The following GYS1 variants were observed in gnomAD, a reference collection of about 807,000 sequenced individuals.
GYS1 encodes the protein glycogen synthase 1.
In GYS1, 60 loss-of-function variants were observed where a neutral mutation model predicts 89.1. That is an observed-to-expected ratio of 0.67 (90% confidence interval 0.55 to 0.84). The LOEUF is 0.84. Ranked by LOEUF, GYS1 falls within the 40% of genes least tolerant of loss-of-function variation. GYS1 has a pLI of 0.00. For synonymous variants in GYS1, 366 were observed against 401.7 expected (o/e 0.91, Z 1.06); for missense variants, 888 against 1,003.1 (o/e 0.89, Z 1.55).
At position 48,969,275 on chromosome 19, in the gene GYS1, T is replaced by C. The variant is rs2038512363; in HGVS notation, c.*13A>G. The C allele has an allele frequency of 2.6e-6, 4 of 1,530,954 alleles. No individual in the cohort carries two copies. The highest frequency in any genetic ancestry group is 2.4e-5 in the South Asian group (2 of 83,544). The allele number at this position is 1,530,954 out of a possible 1,614,324, so 94.8% of individuals were successfully genotyped here. ...AGAGAGGCAGGACAGGCGGGGAGTG[T>C]GGTGGGGCGGACTTAGTTACGCTCC... On this transcript the variant is annotated 3_prime_UTR_variant, in exon 16 of 16. Transcript: ENST00000323798.
chr19:48,983,499 G>T (rs182546294), intron 5 of GYS1, among the ~76,000 whole-genome samples: 9 of 152,100 alleles, frequency 5.9e-5, no homozygotes, highest in Admixed American at 1.3e-4. Context: ...CATCCCCAAA[G>T]TCCTGCTTCT....
rs1386131852 is a variant in GYS1 at position 48,969,188 on chromosome 19, C to T, written c.*100G>A. 2.7e-6 allele frequency: 3 copies of T among 1,122,244 alleles called. No homozygotes were observed. Among genetic ancestry groups the T allele is most frequent in the Non-Finnish European group, 3.8e-6 (3 of 792,808 alleles). 69.5% of individuals were successfully genotyped at this position (1,122,244 alleles called of 1,614,324 possible). A position where few individuals can be genotyped will look rare whatever the true frequency, so the allele number is the denominator to read the frequency against. On this transcript the variant is annotated 3_prime_UTR_variant, in exon 16 of 16. Coordinates refer to ENST00000323798, the MANE Select transcript of GYS1 (RefSeq NM_002103.5). ...TGGGTGGGGGCACTGCGGGGCCACA[C>T]CCAGTGCAGATCTGGAGCGGGGGTT...
rs1366395973 is a variant in GYS1, at chr19:48,982,846, G to A, written c.824-9C>T. ...ATTGGGGGTCACAATATCTGGGATT[G>A]GGGGTGAGGGTCCCATGTTTTATTT... On this transcript the variant is annotated splice_polypyrimidine_tract_variant and intron_variant, in intron 5 of 15. Coordinates refer to ENST00000323798, the MANE Select transcript of GYS1 (RefSeq NM_002103.5). 1.4e-6 allele frequency: 2 copies of A among 1,468,460 alleles called. No homozygotes were observed. Among genetic ancestry groups the A allele is most frequent in the East Asian group, 2.3e-5 (1 of 44,246 alleles). 91.0% of individuals were successfully genotyped at this position (1,468,460 alleles called of 1,614,324 possible).
chr19:48,970,469 C>G (rs758915459), intron 14 of GYS1, 77 bp downstream of exon 14: 1 of 1,211,448 alleles, frequency 8.3e-7, no homozygotes, highest in Non-Finnish European at 1.2e-6. Flanking sequence ...TAGGATGAGA[C>G]CCTGCACCCT....
At position 48,982,385 on chromosome 19, in the gene GYS1, C is replaced by T; in HGVS notation, c.942-10G>A. 6.2e-7 allele frequency: 1 copy of T among 1,613,664 alleles called. No homozygotes were observed. Among genetic ancestry groups the T allele is most frequent in the Non-Finnish European group, 8.5e-7 (1 of 1,179,810 alleles). ...GTTGAAGTCCAGATGCCTAAAGAAC[C>T]CACAAGGCACGGTAAAGCCCAAAGC... On this transcript the variant is annotated splice_polypyrimidine_tract_variant and intron_variant, in intron 6 of 15. Coordinates refer to ENST00000323798, the MANE Select transcript of GYS1 (RefSeq NM_002103.5).
chr19:48,979,347 T>C (rs1305202435), intron 8 of GYS1, among the ~76,000 whole-genome samples: 3 of 17,548 alleles, frequency 1.7e-4, no homozygotes, highest in African/African-American at 1.3e-3. Context: ...TTTTTTTTTT[T>C]TTTTTTTTTT....
At chr19:48,975,605 T>C (rs2038633160) in intron 10 of GYS1, among the ~76,000 whole-genome samples, 1 of 152,080 alleles carries the variant, frequency 6.6e-6, no homozygotes, top group South Asian at 2.1e-4. Flanking sequence ...CTTTGGAGAC[T>C]GCTGGGAGTT....
chr19:48,982,755 A>G lies in GYS1; in HGVS notation c.906T>C (p.Ala302=), dbSNP rs1412046514. 6 of 1,613,616 alleles carry G rather than the reference A, an allele frequency of 3.7e-6. No individual in the cohort carries two copies. Residue 302 remains alanine (A), a synonymous_variant, in exon 6 of 16, where the codon GCT becomes GCC. Coordinates refer to ENST00000323798, the MANE Select transcript of GYS1 (RefSeq NM_002103.5). ...GGCCCCGCACAAACTCCTGGATTCGAGCCTTGCTCTGAGCATGGAGGTTCT... is the reference window on the plus strand; with the variant it reads ...GGCCCCGCACAAACTCCTGGATTCGGGCCTTGCTCTGAGCATGGAGGTTCT... ...EFQNLHAQSK[A]RIQEFVRGHF...
At position 48,974,228 on chromosome 19, in the gene GYS1, A is replaced by G. The variant is rs760764129; in HGVS notation, c.1534T>C (p.Trp512Arg). Residue 512 changes from tryptophan (W) to arginine (R), a missense_variant, in exon 12 of 16, where the codon TGG becomes CGG. Trp to Arg is a moderately radical substitution (Grantham distance 101). Transcript: ENST00000323798. ...LGVFPSYYEP[W>R]GYTPAECTVM... ...CTACACTCACCCGGTGTGTAGCCCCAAGGCTCATAGTAGGAGGGGAAGACT... is the reference window on the plus strand; with the variant it reads ...CTACACTCACCCGGTGTGTAGCCCCGAGGCTCATAGTAGGAGGGGAAGACT... 6.2e-7 allele frequency: 1 copy of G among 1,607,718 alleles called. No homozygotes were observed. The highest frequency in any genetic ancestry group is 1.1e-5 in the South Asian group (1 of 89,724).
intron 5 of GYS1, among the ~76,000 whole-genome samples, chr19:48,983,099 T>G (rs887187462): frequency 6.6e-6 from 1 of 151,970 alleles, no homozygotes; most frequent in Non-Finnish European, 1.5e-5. Flanking sequence ...CAATCCTCCC[T>G]CCTCAGCCTC....
intron 12 of GYS1, 125 bp from the exon 13 acceptor site, chr19:48,971,148 T>G (rs1455403687): frequency 2.7e-6 from 2 of 738,364 alleles, no homozygotes; most frequent in Non-Finnish European, 5.0e-6. Context: ...GTGCGGAGCG[T>G]CGCTGAGCCC....
intron 12 of GYS1, 65 bp downstream of exon 12, chr19:48,974,147 GC>G (rs1327848778): frequency 4.6e-6 from 7 of 1,520,454 alleles, no homozygotes; most frequent in Non-Finnish European, 6.2e-6. Context: ...CCAGTGCCTC[GC>G]CCCAAGACAT....
chr19:48,978,713 G>A (rs759198193), intron 8 of GYS1, among the ~76,000 whole-genome samples: 90 of 151,884 alleles, frequency 5.9e-4, no homozygotes, highest in Non-Finnish European at 1.0e-3. Context: ...TGTAACTTTA[G>A]TAGAGACGGG....
At chr19:48,972,251 T>C (rs1369868246) in intron 12 of GYS1, among the ~76,000 whole-genome samples, 1 of 150,840 alleles carries the variant, frequency 6.6e-6, no homozygotes, top group Admixed American at 6.6e-5. Flanking sequence ...GGCAGGAGAA[T>C]CACTTGAACC....
chr19:48,978,751 C>G lies in GYS1; in HGVS notation c.1170-594G>C, dbSNP rs571544865. Among the ~76,000 whole-genome samples, 9 of 151,846 alleles carry G rather than the reference C, an allele frequency of 5.9e-5. 1 individual carries two copies. The East Asian group carries it at 1.6e-3, about 26-fold the overall frequency. ...TTCACCACGTTGGCCAGGCTGGTCTCGAACTCCTGACCTCTGGCTGGTAAT... is the reference window on the plus strand; with the variant it reads ...TTCACCACGTTGGCCAGGCTGGTCTGGAACTCCTGACCTCTGGCTGGTAAT... On this transcript the variant is annotated intron_variant, in intron 8 of 15. Transcript: ENST00000323798.
Position 48,991,258 on chromosome 19 carries a change from C to T in GYS1, c.300+44G>A. On this transcript the variant is annotated intron_variant, in intron 2 of 15. Transcript: ENST00000323798. This position sits in a 1 kb window ranked among gnomAD's most constrained non-coding sequence, Gnocchi z 4.7. The stretch of plus-strand genomic sequence containing the variant: ...CCGTCTGTGGCTCCCACCCCGATGG[C>T]AGGCTGTCCACCCGCTTCTGCCCTG... The T allele has an allele frequency of 6.3e-7, 1 of 1,599,374 alleles. No individual in the cohort carries two copies. Among genetic ancestry groups the T allele is most frequent in the Non-Finnish European group, 8.5e-7 (1 of 1,169,796 alleles).
chr19:48,985,531 G>A lies in GYS1; in HGVS notation c.753C>T (p.Cys251=), dbSNP rs758664367. ...RYCMERAAAH[C]AHVFTTVSQI... ...GGGACACAGTAGTGAAGACGTGAGCGCAGTGGGCTGCCGCCCTTTCCATGC... is the reference window on the plus strand; with the variant it reads ...GGGACACAGTAGTGAAGACGTGAGCACAGTGGGCTGCCGCCCTTTCCATGC... The change falls in exon 5 of 16, where the codon TGC becomes TGT. Residue 251 remains cysteine (C), a synonymous_variant. Coordinates refer to ENST00000323798, the MANE Select transcript of GYS1 (RefSeq NM_002103.5). 2.4e-5 allele frequency: 38 copies of A among 1,613,890 alleles called. No homozygotes were observed. The highest frequency in any genetic ancestry group is 7.7e-5 in the South Asian group (7 of 91,086).
chr19:48,969,006 A>C lies in GYS1; in HGVS notation c.*282T>G. The C allele has an allele frequency of 1.6e-6, 1 of 639,866 alleles. No homozygotes were observed. Among genetic ancestry groups the C allele is most frequent in the Non-Finnish European group, 2.9e-6 (1 of 346,754 alleles). The allele number at this position is 639,866 out of a possible 1,614,324, so 39.6% of individuals were successfully genotyped here. A position where few individuals can be genotyped will look rare whatever the true frequency, so the allele number is the denominator to read the frequency against. ...AAACCTCTGGCACCACCGCAGAGTA[A>C]TGGCAGATTCCTGGCCTCTGGGAAG... On this transcript the variant is annotated 3_prime_UTR_variant, in exon 16 of 16. Transcript: ENST00000323798.
chr19:48,968,998 G>A lies in GYS1; in HGVS notation c.*290C>T, dbSNP rs191492279. The A allele has an allele frequency of 1.7e-4, 106 of 626,516 alleles. No individual in the cohort carries two copies. The highest frequency in any genetic ancestry group is 1.1e-3 in the African/African-American group (60 of 55,404). 38.8% of individuals were successfully genotyped at this position (626,516 alleles called of 1,614,324 possible). ...GTTTCCTAAAACCTCTGGCACCACC[G>A]CAGAGTAATGGCAGATTCCTGGCCT... On this transcript the variant is annotated 3_prime_UTR_variant, in exon 16 of 16. Coordinates refer to ENST00000323798, the MANE Select transcript of GYS1 (RefSeq NM_002103.5).
Sources: allele counts gnomAD v4.1 joint callset (sites outside exome capture counted in the v4.1 genomes callset), GRCh38; gene constraint gnomAD v4.1.1; non-coding constraint Gnocchi (gnomAD v3.1); transcripts MANE v1.5; gene names NCBI Gene and HGNC (gene_info 2026-07-23, HGNC 2026-07-21).